Variants in CNTNAP3 observed in about 807,000 individuals in gnomAD.
CNTNAP3 encodes contactin-associated protein-like 3.
In CNTNAP3, 36 loss-of-function variants were observed where a neutral mutation model predicts 92.1. The observed-to-expected ratio is 0.39, with a 90% confidence interval of 0.30 to 0.52. The LOEUF is 0.52. Ranked by LOEUF, CNTNAP3 falls within the 20% of genes least tolerant of loss-of-function variation. The probability of loss-of-function intolerance (pLI) is 0.76; values close to 1 mark genes in which losing one functional copy is unlikely to be tolerated. For missense variants in CNTNAP3, 534 were observed against 1,069.6 expected (o/e 0.50, Z 6.98); for synonymous variants, 232 against 422.3 (o/e 0.55, Z 5.53).
chr9:39,100,609 T>TA (rs11455319), intron 17 of CNTNAP3, among the ~76,000 whole-genome samples: 33,945 of 150,124 alleles, frequency 0.23, 4,144 homozygotes, highest in East Asian at 0.37. Context: ...TATATATGGA[T>TA]AATTTCTTAC....
chr9:39,134,002 G>C (rs1821365767), intron 12 of CNTNAP3, among the ~76,000 whole-genome samples: 1 of 152,112 alleles, frequency 6.6e-6, no homozygotes, highest in Non-Finnish European at 1.5e-5. Flanking sequence ...GATTTTTTAA[G>C]AACTACGAAA....
At chr9:39,092,912 T>C (rs1001817542) in intron 18 of CNTNAP3, among the ~76,000 whole-genome samples, 3 of 143,688 alleles carry the variant, frequency 2.1e-5, no homozygotes, top group Non-Finnish European at 4.6e-5. Context: ...CATATAAGTT[T>C]GTAATTGTTA....
Position 39,099,899 on chromosome 9 carries a change from G to A in CNTNAP3, c.2995+12C>T, listed in dbSNP as rs1229404364. ...GTACTTTCCCTATAACCTGCTCCTT[G>A]GTCACACTTACCATTGGAGCAGAAC... On this transcript the variant is annotated intron_variant, in intron 18 of 23. Transcript: ENST00000297668. 1 of 1,610,040 alleles carries A rather than the reference G, an allele frequency of 6.2e-7. No homozygotes were observed. The highest frequency in any genetic ancestry group is 8.5e-7 in the Non-Finnish European group (1 of 1,178,906).
intron 23 of CNTNAP3, among the ~76,000 whole-genome samples, chr9:39,076,073 C>G (rs1825754065): frequency 6.6e-6 from 1 of 152,258 alleles, no homozygotes; most frequent in Admixed American, 6.5e-5. Context: ...TTCATCCCCT[C>G]GTTCAGGCTA....
At chr9:39,100,833 C>G (rs1338102293) in intron 17 of CNTNAP3, among the ~76,000 whole-genome samples, 3 of 148,424 alleles carry the variant, frequency 2.0e-5, no homozygotes, top group African/African-American at 4.9e-5. Flanking sequence ...TAGTGACAAA[C>G]ACCATTATGA....
In CNTNAP3 at chr9:39,132,968, G is replaced by A. The variant is rs1331540895; in HGVS notation, c.2044C>T (p.Leu682=). The A allele has an allele frequency of 5.2e-6, 8 of 1,548,162 alleles. No homozygotes were observed. In the South Asian group the frequency reaches 7.0e-5, roughly 14 times the overall value. The change falls in exon 13 of 24, where the codon CTG becomes TTG. Residue 682 remains leucine, a synonymous_variant. Transcript: ENST00000297668. ...LAERCEQRLA[L]RCGTARRPDS... ...GGGCGCCGCGCCGTCCCGCAGCGCAGAGCCAGCCGCTGCTCGCAGCGCTCC... is the reference window on the plus strand; with the variant it reads ...GGGCGCCGCGCCGTCCCGCAGCGCAAAGCCAGCCGCTGCTCGCAGCGCTCC...
Position 39,142,499 on chromosome 9 carries a change from C to T in CNTNAP3, c.1756+1741G>A, listed in dbSNP as rs539058576. On this transcript the variant is annotated intron_variant, in intron 11 of 23. Coordinates refer to ENST00000297668, the MANE Select transcript of CNTNAP3 (RefSeq NM_033655.5). ...CATCCCGGCTAACATGGCAAAACCC[C>T]GTCTCTACTAAAAATACAAAAAATT... Among the ~76,000 whole-genome samples the T allele has an allele frequency of 6.5e-3, 991 of 152,006 alleles. 11 individuals carry two copies. Among genetic ancestry groups the T allele is most frequent in the Non-Finnish European group, 7.2e-3 (488 of 67,962 alleles).
At chr9:39,134,616 G>A (rs1201369557) in intron 12 of CNTNAP3, among the ~76,000 whole-genome samples, 3 of 152,048 alleles carry the variant, frequency 2.0e-5, no homozygotes, top group African/African-American at 7.2e-5. Flanking sequence ...TAGTAGAGAC[G>A]GGGGTTTCAC....
chr9:39,095,437 G>A (rs1826303413), intron 18 of CNTNAP3, among the ~76,000 whole-genome samples: 1 of 151,056 alleles, frequency 6.6e-6, no homozygotes, highest in African/African-American at 2.4e-5. Flanking sequence ...TGAGTATGAT[G>A]TTAATTGCAG....
intron 23 of CNTNAP3, among the ~76,000 whole-genome samples, chr9:39,075,166 G>A (rs1825726453): frequency 6.6e-6 from 1 of 151,790 alleles, no homozygotes; most frequent in South Asian, 2.1e-4. Context: ...TTTTTACCTG[G>A]AATGTGGATT....
chr9:39,075,617 C>A (rs1423708137), intron 23 of CNTNAP3, among the ~76,000 whole-genome samples: 1 of 152,306 alleles, frequency 6.6e-6, no homozygotes, highest in Non-Finnish European at 1.5e-5. Flanking sequence ...ACCATTCTTA[C>A]CAGCTCAGGG....
In CNTNAP3 at chr9:39,099,896, C is replaced by T; in HGVS notation, c.2995+15G>A. On this transcript the variant is annotated intron_variant, in intron 18 of 23. Transcript: ENST00000297668. ...CATGTACTTTCCCTATAACCTGCTC[C>T]TTGGTCACACTTACCATTGGAGCAG... 6.2e-7 allele frequency: 1 copy of T among 1,609,958 alleles called. No homozygotes were observed. Among genetic ancestry groups the T allele is most frequent in the Non-Finnish European group, 8.5e-7 (1 of 1,178,784 alleles).
chr9:39,144,384 C>G, intron 10 of CNTNAP3, 38 bp from the exon 11 acceptor site: 1 of 1,500,418 alleles, frequency 6.7e-7, no homozygotes, highest in Non-Finnish European at 8.9e-7. Flanking sequence ...TTCCCTTTTT[C>G]AATCATCAAA....
Position 39,149,907 on chromosome 9 carries a change from G to T in CNTNAP3, c.1548C>A (p.Leu516=). The T allele has an allele frequency of 6.2e-7, 1 of 1,610,600 alleles. No homozygotes were observed. Among genetic ancestry groups the T allele is most frequent in the Non-Finnish European group, 8.5e-7 (1 of 1,179,404 alleles). The change falls in exon 10 of 24, where the codon CTC becomes CTA. Residue 516 remains leucine, a synonymous_variant. Coordinates refer to ENST00000297668, the MANE Select transcript of CNTNAP3 (RefSeq NM_033655.5). The stretch of plus-strand genomic sequence containing the variant: ...CCACCGCTTTGTCACCAATGGTGAT[G>T]AGCCTTAGGCAGCCCTGAAACCCTC... ...PLGGFQGCLR[L]ITIGDKAVDP...
chr9:39,088,767 A>T (rs1339583322), intron 18 of CNTNAP3, 120 bp from the exon 19 acceptor site: 2 of 955,160 alleles, frequency 2.1e-6, no homozygotes, highest in Non-Finnish European at 3.1e-6. Flanking sequence ...GTAATAGTGA[A>T]ATCCTTTCCT....
chr9:39,117,535 G>T (rs1295779593), intron 14 of CNTNAP3, among the ~76,000 whole-genome samples: 2 of 152,166 alleles, frequency 1.3e-5, no homozygotes, highest in African/African-American at 2.4e-5. Flanking sequence ...ATTCCAGAAA[G>T]TCTATGTTAG....
chr9:39,129,353 A>G (rs1758259), intron 13 of CNTNAP3, among the ~76,000 whole-genome samples: 1 of 145,592 alleles, frequency 6.9e-6, no homozygotes, highest in African/African-American at 2.5e-5. Context: ...ATTTTTAACA[A>G]TATTTAAAAT....
At chr9:39,102,919 A>C (rs537513324) in intron 16 of CNTNAP3, among the ~76,000 whole-genome samples, 411 of 152,224 alleles carry the variant, frequency 2.7e-3, no homozygotes, top group Non-Finnish European at 3.0e-3. Flanking sequence ...ATTTATCCTC[A>C]GAGTTCACAA....
chr9:39,082,401 A>C (rs182086269), intron 21 of CNTNAP3, among the ~76,000 whole-genome samples: 1 of 152,186 alleles, frequency 6.6e-6, no homozygotes, highest in Admixed American at 6.5e-5. Context: ...ATGATAACTT[A>C]GTGCAGCCTC....
Sources: allele counts gnomAD v4.1 joint callset (sites outside exome capture counted in the v4.1 genomes callset), GRCh38; gene constraint gnomAD v4.1.1; transcripts MANE v1.5; gene names NCBI Gene and HGNC (gene_info 2026-07-23, HGNC 2026-07-21).